The following BLM variants were observed in gnomAD, a reference collection of about 807,000 sequenced individuals.
BLM encodes BLM RecQ like helicase.
A neutral mutation model predicts 135.3 loss-of-function variants in BLM; 95 were observed. The ratio of observed to expected loss-of-function variants is 0.70; its 90% CI spans 0.59 to 0.83. The LOEUF (loss-of-function observed/expected upper bound fraction) is 0.83, where lower values mean the gene tolerates loss of function less well. Among genes scored for constraint, BLM ranks in the 40% least tolerant of loss-of-function variants. The probability of loss-of-function intolerance (pLI) is 0.00; values close to 1 mark genes in which losing one functional copy is unlikely to be tolerated. For missense variants in BLM, 1,518 were observed against 1,663.9 expected (o/e 0.91, Z 1.53); for synonymous variants, 520 against 589.2 (o/e 0.88, Z 1.70).
intron 11 of BLM, 75 bp from the exon 12 acceptor site, chr15:90,769,363 A>G (rs1301644385): frequency 2.5e-6 from 4 of 1,581,538 alleles, no homozygotes; most frequent in Non-Finnish European, 3.5e-6. Flanking sequence ...AGTTCTTAAT[A>G]CATTGAGCAG....
At chr15:90,726,627 C>A (rs1325699085) in intron 1 of BLM, among the ~76,000 whole-genome samples, 1 of 152,132 alleles carries the variant, frequency 6.6e-6, no homozygotes, top group African/African-American at 2.4e-5. Flanking sequence ...GTCCTCTGTT[C>A]TAGATTTTAC....
chr15:90,724,353 G>A (rs536668868), intron 1 of BLM, among the ~76,000 whole-genome samples: 69 of 152,104 alleles, frequency 4.5e-4, no homozygotes, highest in African/African-American at 1.6e-3. Flanking sequence ...CATTCTATGC[G>A]TATACCACTG....
intron 6 of BLM, 34 bp downstream of exon 6, chr15:90,760,313 G>A (rs1362832122): frequency 6.2e-7 from 1 of 1,611,804 alleles, no homozygotes; most frequent in African/African-American, 1.3e-5. Context: ...GAATATATCT[G>A]ATTATATTTC....
At chr15:90,806,230 G>A (rs189676972) in intron 19 of BLM, among the ~76,000 whole-genome samples, 4 of 152,220 alleles carry the variant, frequency 2.6e-5, no homozygotes, top group Non-Finnish European at 5.9e-5. Flanking sequence ...ATTGTAATGG[G>A]CTGGGGGCCG....
chr15:90,742,474 A>G (rs945697600), intron 1 of BLM, among the ~76,000 whole-genome samples: 9 of 152,194 alleles, frequency 5.9e-5, no homozygotes, highest in African/African-American at 2.2e-4. Flanking sequence ...CAAAATGAAT[A>G]AAAAGTAAGG....
intron 16 of BLM, among the ~76,000 whole-genome samples, chr15:90,796,272 C>G (rs898930039): frequency 1.3e-5 from 2 of 152,140 alleles, no homozygotes; most frequent in Non-Finnish European, 2.9e-5. Context: ...ATTCTGAAAA[C>G]AGACTGGTGG....
At chr15:90,765,270 G>C (rs778234814) in intron 8 of BLM, 26 bp from the exon 9 acceptor site, 4 of 1,517,248 alleles carry the variant, frequency 2.6e-6, no homozygotes, top group East Asian at 4.5e-5. Flanking sequence ...GAACCTGACA[G>C]ATATTTTTTC....
chr15:90,769,728 G>A, intron 12 of BLM, 142 bp downstream of exon 12: 1 of 998,726 alleles, frequency 1.0e-6, no homozygotes, highest in Admixed American at 2.2e-5. Context: ...CCCGATGGCA[G>A]CTAAATCAGA....
At chr15:90,808,608 G>C (rs997870065) in intron 19 of BLM, among the ~76,000 whole-genome samples, 3 of 152,254 alleles carry the variant, frequency 2.0e-5, no homozygotes, top group African/African-American at 7.2e-5. Context: ...CTATGCAGAG[G>C]ACTCAGCTGG....
chr15:90,741,959 T>C (rs1895374298), intron 1 of BLM, among the ~76,000 whole-genome samples: 1 of 152,244 alleles, frequency 6.6e-6, no homozygotes, highest in Admixed American at 6.5e-5. Context: ...AGACATGGTT[T>C]GAGTTTTATT....
chr15:90,814,972 G>A lies in BLM; in HGVS notation c.4077-130G>A, dbSNP rs7165117. 48,553 of 890,036 alleles carry A rather than the reference G, an allele frequency of 0.055. 2,137 individuals carry two copies. Among genetic ancestry groups the A allele is most frequent in the African/African-American group, 0.19 (11,618 of 60,156 alleles). 55.1% of individuals were successfully genotyped at this position (890,036 alleles called of 1,614,324 possible). A position where few individuals can be genotyped will look rare whatever the true frequency, so the allele number is the denominator to read the frequency against. On this transcript the variant is annotated intron_variant, in intron 21 of 21. Transcript: ENST00000355112. ...GAAACTTACCTTACCTAGGGGGCTC[G>A]TAGGCAGAAAATGCACAAGGACACA...
intron 1 of BLM, among the ~76,000 whole-genome samples, chr15:90,717,773 C>T (rs1180614642): frequency 6.6e-6 from 1 of 152,220 alleles, no homozygotes; most frequent in African/African-American, 2.4e-5. Context: ...CCAGCCCAGA[C>T]CTCTGGCACT....
chr15:90,802,355 A>G (rs958319575), intron 17 of BLM, among the ~76,000 whole-genome samples: 16 of 152,242 alleles, frequency 1.1e-4, no homozygotes, highest in African/African-American at 3.4e-4. Context: ...GATTGTTACA[A>G]TAAAGTTGTG....
chr15:90,756,834 A>G (rs1265308435), intron 5 of BLM, among the ~76,000 whole-genome samples: 1 of 152,218 alleles, frequency 6.6e-6, no homozygotes, highest in Non-Finnish European at 1.5e-5. Flanking sequence ...CTAGAGTCCT[A>G]CAGACCTGTA....
intron 12 of BLM, among the ~76,000 whole-genome samples, chr15:90,781,274 C>T (rs1432540344): frequency 2.0e-5 from 3 of 152,164 alleles, no homozygotes; most frequent in Non-Finnish European, 2.9e-5. Context: ...GGTGTCCAAT[C>T]TTTTGGCTTC....
chr15:90,721,765 T>C (rs1894772926), intron 1 of BLM, among the ~76,000 whole-genome samples: 1 of 151,626 alleles, frequency 6.6e-6, no homozygotes, highest in African/African-American at 2.4e-5. Flanking sequence ...ACCCTGTGTC[T>C]ACTAAAAATA....
intron 21 of BLM, among the ~76,000 whole-genome samples, chr15:90,813,185 C>T (rs190444181): frequency 1.6e-3 from 240 of 152,324 alleles, no homozygotes; most frequent in African/African-American, 5.2e-3. Flanking sequence ...CTAAAAAACA[C>T]GCATGGTCTT....
chr15:90,779,301 T>A (rs1017351164), intron 12 of BLM, among the ~76,000 whole-genome samples: 1 of 146,868 alleles, frequency 6.8e-6, no homozygotes, highest in Non-Finnish European at 1.5e-5. Context: ...CAACACTTGT[T>A]TTTGTCTCTC....
intron 13 of BLM, 98 bp from the exon 14 acceptor site, chr15:90,784,823 T>C: frequency 1.6e-6 from 2 of 1,271,090 alleles, no homozygotes; most frequent in East Asian, 4.6e-5. Flanking sequence ...CTACGGGAGA[T>C]CTATTTATGG....
Sources: allele counts gnomAD v4.1 joint callset (sites outside exome capture counted in the v4.1 genomes callset), GRCh38; gene constraint gnomAD v4.1.1; transcripts MANE v1.5; gene names NCBI Gene and HGNC (gene_info 2026-07-23, HGNC 2026-07-21).